Variants in CDH8 observed in about 807,000 individuals in gnomAD.
The protein encoded by CDH8 is cadherin 8.
In CDH8, 17 loss-of-function variants were observed where a neutral mutation model predicts 68.1. That is an observed-to-expected ratio of 0.25 (90% confidence interval 0.17 to 0.37). The LOEUF (loss-of-function observed/expected upper bound fraction) is 0.37. CDH8 is among the 10% of genes least tolerant of loss of function. The pLI, the probability that CDH8 is intolerant of heterozygous loss-of-function variation, is 1.00. For missense variants in CDH8, 763 were observed against 999.3 expected, an observed-to-expected ratio of 0.76 and a Z score of 3.19; for synonymous variants, 372 against 365.1, an observed-to-expected ratio of 1.02 and a Z score of -0.21.
intron 1 of CDH8, among the ~76,000 whole-genome samples, chr16:62,024,740 C>A (rs1902157779): frequency 6.6e-6 from 1 of 152,258 alleles, no homozygotes; most frequent in Admixed American, 6.5e-5. Context: ...GCATATAATG[C>A]CTTGCTTTGT....
At chr16:61,915,621 T>A (rs1236523436) in intron 2 of CDH8, among the ~76,000 whole-genome samples, 1 of 151,966 alleles carries the variant, frequency 6.6e-6, no homozygotes, top group Non-Finnish European at 1.5e-5. Flanking sequence ...TAGTGTTTTG[T>A]TTTTAAAGAT....
intron 10 of CDH8, among the ~76,000 whole-genome samples, chr16:61,674,313 G>A (rs1963853968): frequency 6.6e-6 from 1 of 151,978 alleles, no homozygotes; most frequent in African/African-American, 2.4e-5. Context: ...AATTATTTGG[G>A]CGTGGTGGTG....
chr16:61,864,379 C>T (rs542931980), intron 3 of CDH8, among the ~76,000 whole-genome samples: 1 of 152,116 alleles, frequency 6.6e-6, no homozygotes, highest in East Asian at 1.9e-4. Flanking sequence ...CATCACACTG[C>T]TTCCCCAACC....
chr16:61,840,560 T>C (rs56768878), intron 4 of CDH8, among the ~76,000 whole-genome samples: 30,959 of 152,122 alleles, frequency 0.2, 3,492 homozygotes, highest in African/African-American at 0.31. Flanking sequence ...ATACTTTTTT[T>C]CCTTTATGAG....
Position 61,987,663 on chromosome 16 carries a change from C to T in CDH8, c.252+33489G>A, listed in dbSNP as rs369000510. 9.9e-5 allele frequency among the ~76,000 whole-genome samples: 15 copies of T among 152,112 alleles called. No individual in the cohort carries two copies. In the East Asian group the frequency reaches 1.4e-3, roughly 14 times the overall value. On this transcript the variant is annotated intron_variant, in intron 2 of 11. Coordinates refer to ENST00000577390, the MANE Select transcript of CDH8 (RefSeq NM_001796.5). ...ACAGGTCTGACTGATTTCATAGTCT[C>T]ATACTTCTCTCATGACAATATGATG...
At chr16:62,035,312 G>A (rs1358340711) in intron 1 of CDH8, among the ~76,000 whole-genome samples, 9 of 152,162 alleles carry the variant, frequency 5.9e-5, no homozygotes, top group Admixed American at 4.6e-4. Context: ...GCTGTCCCTA[G>A]GAGAGCGGCT....
At chr16:61,712,871 T>G (rs1964656693) in intron 10 of CDH8, among the ~76,000 whole-genome samples, 1 of 151,716 alleles carries the variant, frequency 6.6e-6, no homozygotes, top group African/African-American at 2.4e-5. Context: ...AATGTTATTT[T>G]ACTTCATAAA....
chr16:61,742,208 C>G (rs1229391326), intron 8 of CDH8, among the ~76,000 whole-genome samples: 1 of 152,084 alleles, frequency 6.6e-6, no homozygotes, highest in Non-Finnish European at 1.5e-5. Flanking sequence ...TTTTGTAACT[C>G]TGACAACCAT....
At chr16:61,943,395 G>T (rs938326912) in intron 2 of CDH8, among the ~76,000 whole-genome samples, 2 of 152,210 alleles carry the variant, frequency 1.3e-5, no homozygotes, top group African/African-American at 4.8e-5. Context: ...ATTTTCATCA[G>T]CTAGATTCTA....
chr16:61,674,324 A>G (rs1423557750), intron 10 of CDH8, among the ~76,000 whole-genome samples: 2 of 151,660 alleles, frequency 1.3e-5, no homozygotes, highest in Admixed American at 6.6e-5. Context: ...CGTGGTGGTG[A>G]GTGCCTGTAA....
At chr16:61,675,725 G>T (rs1963894281) in intron 10 of CDH8, among the ~76,000 whole-genome samples, 1 of 151,314 alleles carries the variant, frequency 6.6e-6, no homozygotes, top group Admixed American at 6.6e-5. Context: ...ATAATGTATA[G>T]AAATAAAATA....
chr16:61,782,185 A>C (rs911979365), intron 8 of CDH8, among the ~76,000 whole-genome samples: 10 of 152,274 alleles, frequency 6.6e-5, no homozygotes, highest in African/African-American at 2.4e-4. Context: ...TACCGGGTTC[A>C]TCTCACTAGG....
chr16:61,917,381 A>T (rs779263425), intron 2 of CDH8, among the ~76,000 whole-genome samples: 3 of 152,182 alleles, frequency 2.0e-5, no homozygotes, highest in Non-Finnish European at 4.4e-5. Context: ...GACTGGTCAG[A>T]CAGCCTGGGC....
At chr16:61,934,681 A>G (rs1350445978) in intron 2 of CDH8, among the ~76,000 whole-genome samples, 2 of 152,080 alleles carry the variant, frequency 1.3e-5, no homozygotes, top group Non-Finnish European at 2.9e-5. Context: ...CCTGCCCCTA[A>G]ATGGATTTAA....
At chr16:61,843,777 T>G (rs1169002480) in intron 4 of CDH8, among the ~76,000 whole-genome samples, 1 of 152,170 alleles carries the variant, frequency 6.6e-6, no homozygotes, top group African/African-American at 2.4e-5. Flanking sequence ...CAAATGGTAT[T>G]TCTAGTTCTA....
Position 61,652,934 on chromosome 16 carries a change from C to T in CDH8, c.*674G>A. ...AGCATGTTTGAATGGGATTTCTCTC[C>T]TCCCACCACTGAATTGGCAAGCCCC... On this transcript the variant is annotated 3_prime_UTR_variant, in exon 12 of 12. Transcript: ENST00000577390. 6.5e-7 allele frequency: 1 copy of T among 1,527,162 alleles called. No individual in the cohort carries two copies. 94.6% of individuals were successfully genotyped at this position (1,527,162 alleles called of 1,614,324 possible).
chr16:61,777,066 C>T (rs1455608028), intron 8 of CDH8, among the ~76,000 whole-genome samples: 1 of 151,972 alleles, frequency 6.6e-6, no homozygotes, highest in Admixed American at 6.6e-5. Flanking sequence ...GCAATGATTC[C>T]AACCTAGCAA....
chr16:61,680,844 A>C (rs1258150178), intron 10 of CDH8, among the ~76,000 whole-genome samples: 1 of 151,970 alleles, frequency 6.6e-6, no homozygotes, highest in African/African-American at 2.4e-5. Flanking sequence ...GCTGTATATT[A>C]ATAAATATTT....
intron 3 of CDH8, among the ~76,000 whole-genome samples, chr16:61,885,649 A>G (rs1001727202): frequency 6.6e-6 from 1 of 151,300 alleles, no homozygotes; most frequent in African/African-American, 2.4e-5. Context: ...GAATTGTTTG[A>G]TATTATTTCA....
Sources: gnomAD v4.1 joint callset for allele counts (sites outside exome capture counted in the v4.1 genomes callset) on GRCh38, gnomAD v4.1.1 for gene constraint, MANE v1.5 for transcripts, NCBI Gene and HGNC (gene_info 2026-07-23, HGNC 2026-07-21) for gene names.